PIK3R5: variants seen among roughly 807,000 people sequenced by gnomAD.
PIK3R5 encodes phosphoinositide 3-kinase regulatory subunit 5.
PIK3R5 carries 32 observed loss-of-function variants against 94.9 expected under a neutral mutation model. The observed-to-expected ratio is 0.34, with a 90% CI of 0.25 to 0.45. The LOEUF (loss-of-function observed/expected upper bound fraction) is 0.45, where lower values mean the gene tolerates loss of function less well. PIK3R5 is among the 20% of genes least tolerant of loss of function. The pLI is 1.00. For synonymous variants in PIK3R5, 443 were observed against 479.4 expected, an observed-to-expected ratio of 0.92 and a Z score of 0.99; for missense variants, 853 against 1,144.6, an observed-to-expected ratio of 0.75 and a Z score of 3.68.
rs748083205 is a variant in PIK3R5, at chr17:8,890,696, C to T, written c.657+42G>A. ...AAGCAGGGAGAGGGTGCTACCTCCT[C>T]AGAGAGGTGCTCCACCAGAGCCCCA... On this transcript the variant is annotated intron_variant, in intron 7 of 18. Transcript: ENST00000447110. The surrounding 1 kb of genome is among the most constrained non-coding windows in gnomAD (Gnocchi z 6.1). The T allele has an allele frequency of 2.6e-6, 4 of 1,549,596 alleles. No individual in the cohort carries two copies. Among genetic ancestry groups the T allele is most frequent in the Admixed American group, 3.8e-5 (2 of 52,824 alleles).
rs150183460 is a variant in PIK3R5 at position 8,896,985 on chromosome 17, A to T, written c.413-3330T>A. On this transcript the variant is annotated intron_variant, in intron 5 of 18. Coordinates refer to ENST00000447110, the MANE Select transcript of PIK3R5 (RefSeq NM_001142633.3). The surrounding 1 kb of genome is among the most constrained non-coding windows in gnomAD (Gnocchi z 4.0). ...ATATCAACTCATGGTGGACAGTTTGACCTACCTCATACCCTGAAGCAAACA... is the reference window on the plus strand; with the variant it reads ...ATATCAACTCATGGTGGACAGTTTGTCCTACCTCATACCCTGAAGCAAACA... Among the ~76,000 whole-genome samples the T allele has an allele frequency of 1.2e-4, 19 of 152,264 alleles. No homozygotes were observed. Among genetic ancestry groups the T allele is most frequent in the African/African-American group, 4.6e-4 (19 of 41,542 alleles).
intron 1 of PIK3R5, among the ~76,000 whole-genome samples, chr17:8,950,030 A>G (rs1216627519): frequency 6.6e-6 from 1 of 152,242 alleles, no homozygotes; most frequent in African/African-American, 2.4e-5. Context: ...AAGATCCAGG[A>G]ACCACCAGCA....
rs1436184123 is a variant in PIK3R5, at chr17:8,939,124, ATC to A, written c.-14+26470_-14+26471del. On this transcript the variant is annotated intron_variant, in intron 1 of 18. Coordinates refer to ENST00000447110, the MANE Select transcript of PIK3R5 (RefSeq NM_001142633.3). ...CAATCCTTCCAGGTGGTCATTCTTC[ATC>A]TCTGTTTTACACATAAGGAAACGAT... Among the ~76,000 whole-genome samples the A allele has an allele frequency of 2.0e-5, 3 of 152,272 alleles. No individual in the cohort carries two copies. The East Asian group carries it at 5.8e-4, about 29-fold the overall frequency.
intron 1 of PIK3R5, among the ~76,000 whole-genome samples, chr17:8,929,131 T>C (rs1269481802): frequency 6.6e-6 from 1 of 152,098 alleles, no homozygotes; most frequent in East Asian, 1.9e-4. Context: ...AAAAAATGAA[T>C]TCTAAAGAAT....
rs577077960 is a variant in PIK3R5 at position 8,925,157 on chromosome 17, G to T, written c.-13-13650C>A. ...TAGATAGTAGATGAATAGATAGCTA[G>T]ATAGTAGATGGATAGATGGGTAGAT... On this transcript the variant is annotated intron_variant, in intron 1 of 18. Transcript: ENST00000447110. This position sits in a 1 kb window ranked among gnomAD's most constrained non-coding sequence, Gnocchi z 5.1. 6.6e-6 allele frequency among the ~76,000 whole-genome samples: 1 copy of T among 151,986 alleles called. No individual in the cohort carries two copies. Among genetic ancestry groups the T allele is most frequent in the Non-Finnish European group, 1.5e-5 (1 of 67,976 alleles).
chr17:8,887,148 T>C lies in PIK3R5; in HGVS notation c.1853A>G (p.Tyr618Cys). The change falls in exon 12 of 19, where the codon TAT becomes TGT. Residue 618 changes from tyrosine to cysteine, a missense_variant. By Grantham distance (194) the Tyr-to-Cys change is radical. Coordinates refer to ENST00000447110, the MANE Select transcript of PIK3R5 (RefSeq NM_001142633.3). ...CATGAGGCCCAGTACATTGCGCTCA[T>C]ACCAGGGGTCCAGCATGCCGAGGTA... ...SHYLGMLDPW[Y>C]ERNVLGLMHL... 1 of 1,613,982 alleles carries C rather than the reference T, an allele frequency of 6.2e-7. No homozygotes were observed. The highest frequency in any genetic ancestry group is 8.5e-7 in the Non-Finnish European group (1 of 1,180,008).
At chr17:8,908,834 A>G (rs2090456511) in intron 3 of PIK3R5, among the ~76,000 whole-genome samples, 1 of 152,250 alleles carries the variant, frequency 6.6e-6, no homozygotes, top group Middle Eastern at 3.4e-3. Context: ...CTTATAAGCC[A>G]TGTCTGTAGC....
chr17:8,946,983 A>G (rs756765), intron 1 of PIK3R5, among the ~76,000 whole-genome samples: 102,681 of 152,014 alleles, frequency 0.68, 35,361 homozygotes, highest in Non-Finnish European at 0.75. Context: ...TCCCAGCCCC[A>G]TTAGAATGTG....
chr17:8,953,135 T>C (rs901604068), intron 1 of PIK3R5, among the ~76,000 whole-genome samples: 3 of 152,148 alleles, frequency 2.0e-5, no homozygotes, highest in African/African-American at 7.2e-5. Flanking sequence ...ATTGCACCCA[T>C]TACATGGTCC....
Position 8,888,424 on chromosome 17 carries a change from G to A in PIK3R5, c.1363C>T (p.Arg455Trp), listed in dbSNP as rs757235159. The part of the protein sequence containing the change: ...GSSDTALPLR[R>W]AGSLCSPLDE... ...AGGGGGCTGCAGAGGCTCCCTGCCC[G>A]CCTCAGGGGCAGGGCCGTGTCCGAG... Residue 455 changes from arginine to tryptophan, a missense_variant, in exon 10 of 19, where the codon CGG (arginine) becomes TGG (tryptophan). Coordinates refer to ENST00000447110, the MANE Select transcript of PIK3R5 (RefSeq NM_001142633.3). The surrounding 1 kb of genome is among the most constrained non-coding windows in gnomAD (Gnocchi z 7.8). 2.5e-5 allele frequency: 40 copies of A among 1,595,988 alleles called. No homozygotes were observed. In the East Asian group the frequency reaches 4.3e-4, roughly 17 times the overall value.
At chr17:8,956,242 G>C (rs925014019) in intron 1 of PIK3R5, among the ~76,000 whole-genome samples, 1 of 151,978 alleles carries the variant, frequency 6.6e-6, no homozygotes, top group African/African-American at 2.4e-5. Context: ...AGGTTGGGAA[G>C]AGACTATTGG....
chr17:8,912,258 C>T (rs2090542667), intron 1 of PIK3R5, among the ~76,000 whole-genome samples: 1 of 152,166 alleles, frequency 6.6e-6, no homozygotes, highest in Non-Finnish European at 1.5e-5. Flanking sequence ...AGCCCAGCTT[C>T]TTAGTTATGT....
chr17:8,880,714 C>A lies in PIK3R5; in HGVS notation c.2568G>T (p.Leu856=). The stretch of plus-strand genomic sequence containing the variant: ...AGAGATCAGGTGCGGCCTGGGCCGG[C>A]AGGTCAGGAGGCGTCTGGGGTGGTG... ...LSSPPQTPPD[L]PAQAAPDLCS... Residue 856 remains leucine (L), a synonymous_variant, in exon 19 of 19, where the codon CTG becomes CTT. Coordinates refer to ENST00000447110, the MANE Select transcript of PIK3R5 (RefSeq NM_001142633.3). 2 of 1,613,922 alleles carry A rather than the reference C, an allele frequency of 1.2e-6. No individual in the cohort carries two copies. The highest frequency in any genetic ancestry group is 1.7e-6 in the Non-Finnish European group (2 of 1,179,920).
In PIK3R5 at chr17:8,896,590, T is replaced by C. The variant is rs1375670292; in HGVS notation, c.413-2935A>G. 6.6e-6 allele frequency among the ~76,000 whole-genome samples: 1 copy of C among 152,176 alleles called. No individual in the cohort carries two copies. Among genetic ancestry groups the C allele is most frequent in the African/African-American group, 2.4e-5 (1 of 41,454 alleles). ...GAAGTTCAAACTCCTGGCCCAGGTG[T>C]CCAAGGCCCTTCGCCATTAAGCCTT... is the stretch of plus-strand genomic sequence containing the variant. On this transcript the variant is annotated intron_variant, in intron 5 of 18. Transcript: ENST00000447110. This position sits in a 1 kb window ranked among gnomAD's most constrained non-coding sequence, Gnocchi z 4.0.
rs570276258 is a variant in PIK3R5, at chr17:8,884,145, G to A, written c.2205+562C>T. Among the ~76,000 whole-genome samples the A allele has an allele frequency of 1.3e-5, 2 of 152,208 alleles. No homozygotes were observed. Among genetic ancestry groups the A allele is most frequent in the Admixed American group, 1.3e-4 (2 of 15,288 alleles). The stretch of plus-strand genomic sequence containing the variant: ...CCCTGCCCAGCACAGAGGCAGCATG[G>A]GCAGGTGCTAAGAGGATATCTTTGG... On this transcript the variant is annotated intron_variant, in intron 15 of 18. Transcript: ENST00000447110. This position sits in a 1 kb window ranked among gnomAD's most constrained non-coding sequence, Gnocchi z 5.8.
In PIK3R5 at chr17:8,892,381, G is replaced by A. The variant is rs1371890994; in HGVS notation, c.482+1205C>T. Among the ~76,000 whole-genome samples the A allele has an allele frequency of 2.0e-5, 3 of 152,088 alleles. No individual in the cohort carries two copies. Among genetic ancestry groups the A allele is most frequent in the Non-Finnish European group, 2.9e-5 (2 of 68,008 alleles). On this transcript the variant is annotated intron_variant, in intron 6 of 18. Transcript: ENST00000447110. This position sits in a 1 kb window ranked among gnomAD's most constrained non-coding sequence, Gnocchi z 4.3. ...CACCAGCTTGCATAATTTCTCTCCC[G>A]AAGAATTTATCATCATTCTCAATTT...
At position 8,955,998 on chromosome 17, in the gene PIK3R5, C is replaced by A. The variant is rs1275692376; in HGVS notation, c.-14+9598G>T. ...AGTGAGACCCTGTCTCTACAAAAAA[C>A]ACACACAAAAAATTAGCTGGGCGTG... is the stretch of plus-strand genomic sequence containing the variant. On this transcript the variant is annotated intron_variant, in intron 1 of 18. Coordinates refer to ENST00000447110, the MANE Select transcript of PIK3R5 (RefSeq NM_001142633.3). The surrounding 1 kb of genome is among the most constrained non-coding windows in gnomAD (Gnocchi z 4.4). Among the ~76,000 whole-genome samples, 1 of 151,850 alleles carries A rather than the reference C, an allele frequency of 6.6e-6. No homozygotes were observed. The highest frequency in any genetic ancestry group is 2.4e-5 in the African/African-American group (1 of 41,318).
chr17:8,893,711 G>T lies in PIK3R5; in HGVS notation c.413-56C>A, dbSNP rs1019733205. ...CTGATCAGTTCCTTCAGCATCGTCCGTGTGCCTCGTGGGGAGCCAAGCACT... is the reference window on the plus strand; with the variant it reads ...CTGATCAGTTCCTTCAGCATCGTCCTTGTGCCTCGTGGGGAGCCAAGCACT... On this transcript the variant is annotated intron_variant, in intron 5 of 18. Coordinates refer to ENST00000447110, the MANE Select transcript of PIK3R5 (RefSeq NM_001142633.3). The surrounding 1 kb of genome is among the most constrained non-coding windows in gnomAD (Gnocchi z 5.1). The T allele has an allele frequency of 1.5e-6, 2 of 1,347,522 alleles. No individual in the cohort carries two copies. The highest frequency in any genetic ancestry group is 2.9e-5 in the African/African-American group (2 of 69,756). 83.5% of individuals were successfully genotyped at this position (1,347,522 alleles called of 1,614,324 possible).
chr17:8,885,628 G>A (rs1161999456), intron 14 of PIK3R5, among the ~76,000 whole-genome samples: 3 of 92,880 alleles, frequency 3.2e-5, no homozygotes, highest in African/African-American at 1.5e-4. Context: ...CCCCCCCATG[G>A]CCCCACCTCC....
Sources: allele counts gnomAD v4.1 joint callset (sites outside exome capture counted in the v4.1 genomes callset), GRCh38; gene constraint gnomAD v4.1.1; non-coding constraint Gnocchi (gnomAD v3.1); transcripts MANE v1.5; gene names NCBI Gene and HGNC (gene_info 2026-07-23, HGNC 2026-07-21).